Variants in PPARGC1A observed in about 807,000 individuals in gnomAD.
PPARGC1A encodes peroxisome proliferator-activated receptor gamma coactivator 1-alpha.
Under a neutral mutation model 88.7 loss-of-function variants are expected in PPARGC1A, and 25 were observed. The ratio of observed to expected loss-of-function variants is 0.28; its 90% CI spans 0.21 to 0.39. PPARGC1A has a LOEUF of 0.39. Ranked by LOEUF, PPARGC1A falls within the 10% of genes least tolerant of loss-of-function variation. The pLI, the probability that PPARGC1A is intolerant of heterozygous loss-of-function variation, is 1.00. For synonymous variants in PPARGC1A, 363 were observed against 355.6 expected (o/e 1.02, Z -0.24); for missense variants, 880 against 968.7 (o/e 0.91, Z 1.22).
chr4:24,465,469 T>C, the PPARGC1A span, among the ~76,000 whole-genome samples: 1 of 152,266 alleles, frequency 6.6e-6, no homozygotes, highest in African/African-American at 2.4e-5. Context: ...TAATGCCGTC[T>C]GCTGTACACA....
At chr4:24,309,483 C>T in the PPARGC1A span, among the ~76,000 whole-genome samples, 1 of 152,084 alleles carries the variant, frequency 6.6e-6, no homozygotes, top group South Asian at 2.1e-4. Context: ...TCACAAATGG[C>T]GATGTGGACC....
At chr4:24,199,449 A>G in the PPARGC1A span, among the ~76,000 whole-genome samples, 1 of 152,142 alleles carries the variant, frequency 6.6e-6, no homozygotes, top group Non-Finnish European at 1.5e-5. Context: ...AGGGGAGGGA[A>G]CCACAAATGA....
At chr4:24,305,291 AAAAC>A in the PPARGC1A span, among the ~76,000 whole-genome samples, 38 of 151,654 alleles carry the variant, frequency 2.5e-4, no homozygotes, top group African/African-American at 5.8e-4. Context: ...GTATGGCAGA[AAAAC>A]AAACAAACAA....
the PPARGC1A span, among the ~76,000 whole-genome samples, chr4:24,210,756 T>C: frequency 6.6e-6 from 1 of 152,304 alleles, no homozygotes; most frequent in South Asian, 2.1e-4. Context: ...ATTTTTAAAC[T>C]TTTGAAAATG....
the PPARGC1A span, among the ~76,000 whole-genome samples, chr4:23,956,871 C>T: frequency 1.3e-5 from 2 of 152,084 alleles, no homozygotes; most frequent in African/African-American, 4.8e-5. Context: ...GTCTTGTTAA[C>T]TTCCTAGGTA....
chr4:23,852,576 C>T (rs1411968118), intron 2 of PPARGC1A, among the ~76,000 whole-genome samples: 1 of 152,100 alleles, frequency 6.6e-6, no homozygotes, highest in Non-Finnish European at 1.5e-5. Flanking sequence ...TCCACCCTCC[C>T]CCATTTTTCT....
At chr4:24,380,029 G>A in the PPARGC1A span, among the ~76,000 whole-genome samples, 4 of 151,940 alleles carry the variant, frequency 2.6e-5, no homozygotes, top group South Asian at 2.1e-4. Flanking sequence ...CCGCCTGTTC[G>A]GCCTCCAGAA....
chr4:23,828,184 G>A (rs1724330920), intron 5 of PPARGC1A, among the ~76,000 whole-genome samples: 1 of 152,136 alleles, frequency 6.6e-6, no homozygotes, highest in Non-Finnish European at 1.5e-5. Context: ...GTCTTTTGGT[G>A]CTTGTGAATT....
the PPARGC1A span, among the ~76,000 whole-genome samples, chr4:24,031,273 A>T: frequency 6.6e-6 from 1 of 152,054 alleles, no homozygotes; most frequent in Non-Finnish European, 1.5e-5. Context: ...AAACAGAACC[A>T]TTTGCATTCC....
At chr4:23,895,812 T>C (rs1718492087) in intron 1 of PPARGC1A, among the ~76,000 whole-genome samples, 3 of 151,876 alleles carry the variant, frequency 2.0e-5, no homozygotes, top group Admixed American at 2.0e-4. Context: ...AAGGCAATAA[T>C]AAGGGAATGT....
the PPARGC1A span, among the ~76,000 whole-genome samples, chr4:24,454,871 T>C: frequency 1.3e-5 from 2 of 151,726 alleles, no homozygotes; most frequent in Admixed American, 1.3e-4. Flanking sequence ...GATAGTCATG[T>C]GACTGATTTC....
intron 10 of PPARGC1A, among the ~76,000 whole-genome samples, chr4:23,809,870 T>A (rs1720548032): frequency 6.6e-6 from 1 of 152,130 alleles, no homozygotes; most frequent in South Asian, 2.1e-4. Flanking sequence ...TTATACCCTC[T>A]CTGAGGATGT....
chr4:24,065,537 T>C, the PPARGC1A span, among the ~76,000 whole-genome samples: 4 of 152,198 alleles, frequency 2.6e-5, no homozygotes, highest in African/African-American at 7.2e-5. Context: ...TTGCTTCTGC[T>C]GGACTGCTAG....
At chr4:24,035,139 T>C in the PPARGC1A span, among the ~76,000 whole-genome samples, 3 of 152,180 alleles carry the variant, frequency 2.0e-5, no homozygotes, top group Non-Finnish European at 2.9e-5. Flanking sequence ...AAACACTTGT[T>C]GAAACTAACA....
At chr4:24,365,950 T>G in the PPARGC1A span, among the ~76,000 whole-genome samples, 1 of 152,274 alleles carries the variant, frequency 6.6e-6, no homozygotes, top group South Asian at 2.1e-4. Flanking sequence ...GCCAGATCAC[T>G]TAGTATGCTA....
the PPARGC1A span, among the ~76,000 whole-genome samples, chr4:24,119,168 G>C: frequency 8.5e-5 from 13 of 152,256 alleles, no homozygotes; most frequent in Non-Finnish European, 1.5e-4. Context: ...CTTTCTAAAA[G>C]ATCTTTGATC....
At chr4:24,126,195 A>G in the PPARGC1A span, among the ~76,000 whole-genome samples, 1 of 151,824 alleles carries the variant, frequency 6.6e-6, no homozygotes, top group African/African-American at 2.4e-5. Context: ...TTATTTCACA[A>G]TAACTAATTT....
chr4:23,892,684 C>A (rs1211325672), upstream of PPARGC1A, among the ~76,000 whole-genome samples: 3 of 152,016 alleles, frequency 2.0e-5, no homozygotes, highest in African/African-American at 7.2e-5. Flanking sequence ...ACCCACAGCC[C>A]TCCTTTCACC....
the PPARGC1A span, among the ~76,000 whole-genome samples, chr4:24,296,201 G>C: frequency 6.7e-6 from 1 of 150,070 alleles, no homozygotes; most frequent in East Asian, 2.0e-4. Context: ...ATGTGTGTGT[G>C]TGTATATATA....
Sources: gnomAD v4.1 joint callset for allele counts (sites outside exome capture counted in the v4.1 genomes callset) on GRCh38, gnomAD v4.1.1 for gene constraint, MANE v1.5 for transcripts, NCBI Gene and HGNC (gene_info 2026-07-23, HGNC 2026-07-21) for gene names.